Variants in ELAVL2 observed in about 807,000 individuals in gnomAD.
ELAVL2 encodes the protein ELAV like RNA binding protein 2.
Under a neutral mutation model 34.6 loss-of-function variants are expected in ELAVL2, and 4 were observed. The observed-to-expected ratio is 0.12, with a 90% CI of 0.06 to 0.26. ELAVL2 has a LOEUF of 0.26. ELAVL2 is among the 10% of genes least tolerant of loss of function. The pLI, the probability that ELAVL2 is intolerant of heterozygous loss-of-function variation, is 1.00. For missense variants in ELAVL2, 432 were observed against 442.8 expected (o/e 0.98, Z 0.22); for synonymous variants, 193 against 154.8 (o/e 1.25, Z -1.83).
At chr9:23,717,305 G>A (rs1033094378) in intron 3 of ELAVL2, among the ~76,000 whole-genome samples, 1 of 152,066 alleles carries the variant, frequency 6.6e-6, no homozygotes, top group African/African-American at 2.4e-5. Flanking sequence ...GGGTCTCCAC[G>A]GATCTTTGCA....
At chr9:23,710,858 G>A (rs1465495059) in intron 3 of ELAVL2, among the ~76,000 whole-genome samples, 4 of 152,152 alleles carry the variant, frequency 2.6e-5, no homozygotes, top group Non-Finnish European at 5.9e-5. Flanking sequence ...ATTTGGACAG[G>A]TGGCTACATC....
At chr9:23,758,136 T>TA (rs2054019086) in intron 2 of ELAVL2, among the ~76,000 whole-genome samples, 1 of 152,024 alleles carries the variant, frequency 6.6e-6, no homozygotes, top group Non-Finnish European at 1.5e-5. Context: ...GCTGGATAAT[T>TA]AGAGAAGGAC....
chr9:23,807,201 T>A (rs1422336998), intron 1 of ELAVL2, among the ~76,000 whole-genome samples: 1 of 152,164 alleles, frequency 6.6e-6, no homozygotes, highest in Non-Finnish European at 1.5e-5. Flanking sequence ...AGCTTAATAA[T>A]CTAATAAGGT....
intron 4 of ELAVL2, among the ~76,000 whole-genome samples, chr9:23,703,221 C>A (rs753958423): frequency 6.6e-6 from 1 of 152,174 alleles, no homozygotes; most frequent in Non-Finnish European, 1.5e-5. Context: ...AAAGATGAGA[C>A]GCACTTTGTG....
intron 4 of ELAVL2, among the ~76,000 whole-genome samples, chr9:23,703,599 T>C (rs1038647824): frequency 1.3e-5 from 2 of 152,182 alleles, no homozygotes; most frequent in Admixed American, 6.5e-5. Flanking sequence ...GCAGGTAATA[T>C]GGGCTCCTCT....
chr9:23,829,150 T>C (rs1021623702), upstream of ELAVL2, among the ~76,000 whole-genome samples: 4 of 152,308 alleles, frequency 2.6e-5, 1 homozygote, highest in Admixed American at 2.6e-4. Context: ...TGGCATTATT[T>C]TGAATTGCAG....
intron 1 of ELAVL2, among the ~76,000 whole-genome samples, chr9:23,783,210 G>C (rs1346317780): frequency 6.6e-6 from 1 of 152,130 alleles, no homozygotes; most frequent in African/African-American, 2.4e-5. Context: ...TTAATAAGCA[G>C]AATTATCCTT....
chr9:23,750,163 A>G (rs992678888), intron 2 of ELAVL2, among the ~76,000 whole-genome samples: 3 of 152,150 alleles, frequency 2.0e-5, no homozygotes, highest in Admixed American at 6.6e-5. Context: ...GAGAACTAAA[A>G]TATCAAATAG....
chr9:23,736,504 T>A (rs2134900186), intron 2 of ELAVL2, among the ~76,000 whole-genome samples: 1 of 152,248 alleles, frequency 6.6e-6, no homozygotes, highest in African/African-American at 2.4e-5. Flanking sequence ...GCAGGGCTGC[T>A]GTTTAAATAC....
At position 23,811,355 on chromosome 9, in the gene ELAVL2, A is replaced by G. The variant is rs1476132662; in HGVS notation, c.-16+14451T>C. ...GGAAAAAAAAAAAAACCCACGAAAC[A>G]GTAATGCAAATGCCATTAAGGGAGA... On this transcript the variant is annotated intron_variant, in intron 1 of 6. Coordinates refer to ENST00000397312, the MANE Select transcript of ELAVL2 (RefSeq NM_004432.5). Among the ~76,000 whole-genome samples, 5 of 151,780 alleles carry G rather than the reference A, an allele frequency of 3.3e-5. No homozygotes were observed. The East Asian group carries it at 7.7e-4, about 24-fold the overall frequency.
intron 2 of ELAVL2, 128 bp downstream of exon 2, chr9:23,761,878 A>G (rs75038887): frequency 0.051 from 64,557 of 1,263,114 alleles, 2,039 homozygotes; most frequent in Middle Eastern, 0.14. Context: ...TGCTGATGTA[A>G]TAACAGAGAG....
At chr9:23,717,899 T>C (rs2042721248) in intron 3 of ELAVL2, among the ~76,000 whole-genome samples, 1 of 152,194 alleles carries the variant, frequency 6.6e-6, no homozygotes, top group African/African-American at 2.4e-5. Flanking sequence ...TGTCCAACAC[T>C]GTATAGCCAA....
chr9:23,768,726 A>T (rs1049443661), intron 1 of ELAVL2, among the ~76,000 whole-genome samples: 7 of 152,168 alleles, frequency 4.6e-5, no homozygotes, highest in African/African-American at 1.4e-4. Context: ...CTGGAAGACA[A>T]GACAAATCCA....
Position 23,825,994 on chromosome 9 carries a change from G to C in ELAVL2, c.-204C>G, listed in dbSNP as rs941448076. On this transcript the variant is annotated 5_prime_UTR_variant, in exon 1 of 7. Transcript: ENST00000397312. Reference sequence around the variant, plus strand: ...AAAGTCCAATGCTAAAAGAAATGGCGAAAAAAAATATGAAAGGGGAGGGGA... The same window carrying C: ...AAAGTCCAATGCTAAAAGAAATGGCCAAAAAAAATATGAAAGGGGAGGGGA... 1 of 150,924 alleles carries C rather than the reference G, an allele frequency of 6.6e-6. No individual in the cohort carries two copies. The highest frequency in any genetic ancestry group is 2.4e-5 in the African/African-American group (1 of 41,064). The allele number at this position is 150,924 out of a possible 1,614,324, so 9.3% of individuals were successfully genotyped here. A position where few individuals can be genotyped will look rare whatever the true frequency, so the allele number is the denominator to read the frequency against.
chr9:23,725,760 T>A (rs2044966902), intron 3 of ELAVL2, among the ~76,000 whole-genome samples: 1 of 152,180 alleles, frequency 6.6e-6, no homozygotes, highest in Admixed American at 6.5e-5. Context: ...TATTCTCTCT[T>A]CAGGAGAGGT....
In ELAVL2 at chr9:23,788,018, C is replaced by A. The variant is rs560048956; in HGVS notation, c.-15-25769G>T. Among the ~76,000 whole-genome samples the A allele has an allele frequency of 2.4e-4, 37 of 152,226 alleles. No homozygotes were observed. The Middle Eastern group carries it at 0.017, about 70-fold the overall frequency. On this transcript the variant is annotated intron_variant, in intron 1 of 6. Coordinates refer to ENST00000397312, the MANE Select transcript of ELAVL2 (RefSeq NM_004432.5). ...CAGTGATTAAAAAGGCGCAAAAAAC[C>A]AGGTTGGAATCATTTTGCTGAGAGA...
intron 2 of ELAVL2, among the ~76,000 whole-genome samples, chr9:23,743,461 A>G (rs894771447): frequency 2.0e-5 from 3 of 152,160 alleles, no homozygotes; most frequent in African/African-American, 4.8e-5. Flanking sequence ...TTAGGACACA[A>G]AAGTAATGTG....
At chr9:23,775,791 TGTCACCCA>T (rs1387650138) in intron 1 of ELAVL2, among the ~76,000 whole-genome samples, 2 of 152,276 alleles carry the variant, frequency 1.3e-5, no homozygotes, top group African/African-American at 4.8e-5. Flanking sequence ...TGTTTTCCAG[TGTCACCCA>T]ACCTGTTTTC....
chr9:23,770,106 T>C (rs1226935231), intron 1 of ELAVL2, among the ~76,000 whole-genome samples: 2 of 152,188 alleles, frequency 1.3e-5, no homozygotes, highest in East Asian at 3.9e-4. Flanking sequence ...GGTACAGCAA[T>C]GAAGAAGCAT....
Sources: gnomAD v4.1 joint callset for allele counts (sites outside exome capture counted in the v4.1 genomes callset) on GRCh38, gnomAD v4.1.1 for gene constraint, MANE v1.5 for transcripts, NCBI Gene and HGNC (gene_info 2026-07-23, HGNC 2026-07-21) for gene names.